CACNA2D3: variants seen among roughly 807,000 people sequenced by gnomAD.
The protein encoded by CACNA2D3 is calcium voltage-gated channel auxiliary subunit alpha2delta 3.
CACNA2D3 carries 60 observed loss-of-function variants against 160.6 expected under a neutral mutation model. That is an observed-to-expected ratio of 0.37 (90% CI 0.30 to 0.46). The LOEUF is 0.46. Ranked by LOEUF, CACNA2D3 falls within the 20% of genes least tolerant of loss-of-function variation. The probability of loss-of-function intolerance (pLI) is 1.00; values close to 1 mark genes in which losing one functional copy is unlikely to be tolerated. For synonymous variants in CACNA2D3, 558 were observed against 492.9 expected, an observed-to-expected ratio of 1.13 and a Z score of -1.75; for missense variants, 1,205 against 1,365.0, an observed-to-expected ratio of 0.88 and a Z score of 1.85.
chr3:54,211,143 A>G (rs1701364552), intron 2 of CACNA2D3, among the ~76,000 whole-genome samples: 1 of 151,996 alleles, frequency 6.6e-6, no homozygotes, highest in Non-Finnish European at 1.5e-5. Context: ...TACAAAGACA[A>G]GCTACTACTA....
In CACNA2D3 at chr3:54,821,876, C is replaced by T. The variant is rs555746657; in HGVS notation, c.1398+5006C>T. Among the ~76,000 whole-genome samples the T allele has an allele frequency of 1.1e-4, 16 of 152,034 alleles. No homozygotes were observed. The East Asian group carries it at 1.6e-3, about 15-fold the overall frequency. The stretch of plus-strand genomic sequence containing the variant: ...TTTGCCTCATTTAACTTCTATACTT[C>T]GAACAGTTGAATTAACTGTCAATGA... On this transcript the variant is annotated intron_variant, in intron 14 of 37. Transcript: ENST00000474759.
intron 9 of CACNA2D3, among the ~76,000 whole-genome samples, chr3:54,602,824 C>T (rs1438394034): frequency 1.3e-5 from 2 of 152,082 alleles, no homozygotes; most frequent in African/African-American, 4.8e-5. Flanking sequence ...AATTTGTTTC[C>T]ACTTCATTTG....
intron 4 of CACNA2D3, among the ~76,000 whole-genome samples, chr3:54,407,642 A>G (rs1198073350): frequency 6.6e-6 from 1 of 152,216 alleles, no homozygotes; most frequent in East Asian, 1.9e-4. Flanking sequence ...AGTAGGCATT[A>G]TAACTTGTGA....
intron 2 of CACNA2D3, among the ~76,000 whole-genome samples, chr3:54,130,101 G>C (rs1699678475): frequency 6.6e-6 from 1 of 152,236 alleles, no homozygotes; most frequent in African/African-American, 2.4e-5. Context: ...GCAAAATGCA[G>C]AATCCCTTGT....
chr3:54,853,319 A>AG (rs1444248719), intron 17 of CACNA2D3, among the ~76,000 whole-genome samples: 3 of 152,376 alleles, frequency 2.0e-5, no homozygotes, highest in African/African-American at 7.2e-5. Flanking sequence ...GCGGGTAGTC[A>AG]GTAAATATTT....
chr3:54,568,931 A>G (rs17804067), intron 6 of CACNA2D3, among the ~76,000 whole-genome samples: 8,177 of 152,262 alleles, frequency 0.054, 296 homozygotes, highest in Non-Finnish European at 0.073. Flanking sequence ...AAGAATCTCA[A>G]TGCCATCAGC....
At chr3:54,630,930 G>A (rs1160281805) in intron 10 of CACNA2D3, among the ~76,000 whole-genome samples, 1 of 152,104 alleles carries the variant, frequency 6.6e-6, no homozygotes, top group African/African-American at 2.4e-5. Context: ...GGCCAGGCAC[G>A]GTGGCTCACA....
At chr3:54,821,645 T>G (rs142092618) in intron 14 of CACNA2D3, among the ~76,000 whole-genome samples, 324 of 31,546 alleles carry the variant, frequency 0.01, no homozygotes, top group Middle Eastern at 0.056. Context: ...TCTTTCGTTC[T>G]TTCTTTCTTT....
Position 54,168,027 on chromosome 3 carries a change from C to CT in CACNA2D3, c.204+44436dup, listed in dbSNP as rs1700492093. The stretch of plus-strand genomic sequence containing the variant: ...TGTCTTCTCATTTTTGCCCTAAGCA[C>CT]TTTCCTTCACTCCTTTCTGCTCTAT... On this transcript the variant is annotated intron_variant, in intron 2 of 37. Coordinates refer to ENST00000474759, the MANE Select transcript of CACNA2D3 (RefSeq NM_018398.3). Among the ~76,000 whole-genome samples the CT allele has an allele frequency of 2.6e-5, 4 of 152,330 alleles. No homozygotes were observed. In the South Asian group the frequency reaches 8.3e-4, roughly 32 times the overall value.
intron 5 of CACNA2D3, among the ~76,000 whole-genome samples, chr3:54,555,097 A>T (rs1702222992): frequency 6.6e-6 from 1 of 152,064 alleles, no homozygotes; most frequent in Non-Finnish European, 1.5e-5. Flanking sequence ...ACTGGTCTCA[A>T]ACTCCTGAGC....
intron 9 of CACNA2D3, among the ~76,000 whole-genome samples, chr3:54,605,460 G>C (rs1392405093): frequency 6.6e-6 from 1 of 152,010 alleles, no homozygotes; most frequent in African/African-American, 2.4e-5. Context: ...GACATGCAAT[G>C]ACTTTTCCAG....
At chr3:54,292,371 C>CT (rs1284227844) in intron 2 of CACNA2D3, among the ~76,000 whole-genome samples, 2 of 151,970 alleles carry the variant, frequency 1.3e-5, no homozygotes, top group Admixed American at 6.6e-5. Context: ...TTCAAGAACA[C>CT]TATCAAGAAA....
At chr3:54,502,224 G>C (rs887658377) in intron 4 of CACNA2D3, among the ~76,000 whole-genome samples, 6 of 152,114 alleles carry the variant, frequency 3.9e-5, no homozygotes, top group Non-Finnish European at 8.8e-5. Flanking sequence ...AAATATTTCA[G>C]TTTCCATTCT....
chr3:54,567,810 G>A (rs1182239781), intron 6 of CACNA2D3, among the ~76,000 whole-genome samples: 3 of 152,164 alleles, frequency 2.0e-5, no homozygotes, highest in East Asian at 1.9e-4. Context: ...GATTACAGGC[G>A]TGAGCCACTG....
At chr3:54,128,906 C>T (rs9882073) in intron 2 of CACNA2D3, among the ~76,000 whole-genome samples, 7,647 of 152,178 alleles carry the variant, frequency 0.05, 295 homozygotes, top group African/African-American at 0.11. Flanking sequence ...AGAGACATAA[C>T]GGCCTAGGTT....
In CACNA2D3 at chr3:54,459,849, T is replaced by C. The variant is rs564855467; in HGVS notation, c.382-43643T>C. Among the ~76,000 whole-genome samples, 25 of 152,334 alleles carry C rather than the reference T, an allele frequency of 1.6e-4. No homozygotes were observed. In the South Asian group the frequency reaches 3.7e-3, roughly 23 times the overall value. On this transcript the variant is annotated intron_variant, in intron 4 of 37. Coordinates refer to ENST00000474759, the MANE Select transcript of CACNA2D3 (RefSeq NM_018398.3). ...GTTTTAGACATGAAGTCCTTGCCCA[T>C]GCCTATGTCCTGAATGGTAATGCCT...
intron 10 of CACNA2D3, among the ~76,000 whole-genome samples, chr3:54,631,423 A>G (rs779091467): frequency 6.6e-6 from 1 of 152,198 alleles, no homozygotes; most frequent in African/African-American, 2.4e-5. Flanking sequence ...AGCTTTGTCT[A>G]TTAATATTTT....
At chr3:54,793,910 T>C (rs969743316) in intron 13 of CACNA2D3, among the ~76,000 whole-genome samples, 1 of 152,172 alleles carries the variant, frequency 6.6e-6, no homozygotes, top group Non-Finnish European at 1.5e-5. Flanking sequence ...TTTGTAGATA[T>C]AGGGCTATTT....
intron 4 of CACNA2D3, among the ~76,000 whole-genome samples, chr3:54,421,183 T>A (rs1220000089): frequency 6.6e-6 from 1 of 152,174 alleles, no homozygotes; most frequent in Non-Finnish European, 1.5e-5. Context: ...TGGGAACATA[T>A]CTATAATTGG....
Sources: allele counts gnomAD v4.1 joint callset (sites outside exome capture counted in the v4.1 genomes callset), GRCh38; gene constraint gnomAD v4.1.1; transcripts MANE v1.5; gene names NCBI Gene and HGNC (gene_info 2026-07-23, HGNC 2026-07-21).